Variants in SOX5 observed in about 807,000 individuals in gnomAD.
The protein encoded by SOX5 is transcription factor SOX-5.
Under a neutral mutation model 92.0 loss-of-function variants are expected in SOX5, and 9 were observed. The observed-to-expected ratio is 0.10, with a 90% CI of 0.06 to 0.17. The LOEUF (loss-of-function observed/expected upper bound fraction) is 0.17. Among genes scored for constraint, SOX5 ranks in the 10% least tolerant of loss-of-function variants. The pLI is 1.00. For synonymous variants in SOX5, 344 were observed against 336.3 expected (o/e 1.02, Z -0.25); for missense variants, 642 against 944.5 (o/e 0.68, Z 4.20).
At chr12:23,830,517 C>T (rs2096298668) in intron 3 of SOX5, among the ~76,000 whole-genome samples, 1 of 152,144 alleles carries the variant, frequency 6.6e-6, no homozygotes, top group South Asian at 2.1e-4. Flanking sequence ...TACAAAGCCT[C>T]TTCAACATGT....
intron 6 of SOX5, among the ~76,000 whole-genome samples, chr12:23,693,510 T>C (rs2089266771): frequency 6.6e-6 from 1 of 152,228 alleles, no homozygotes; most frequent in South Asian, 2.1e-4. Context: ...AACTTGTTTC[T>C]ACCCACTTAC....
In SOX5 at chr12:24,161,496, G is replaced by T. The variant is rs557391881; in HGVS notation, c.-2+51847C>A. ...ATTGAGAAGGTCAGAGCCAAGGCCA[G>T]TATGTTTACTATTAATGAACATTAG... On this transcript the variant is annotated intron_variant, in intron 4 of 4. Coordinates refer to the SOX5 transcript ENST00000446891. Among the ~76,000 whole-genome samples, 13 of 152,158 alleles carry T rather than the reference G, an allele frequency of 8.5e-5. No homozygotes were observed. The Middle Eastern group carries it at 0.017, about 199-fold the overall frequency.
chr12:23,770,330 A>G (rs548166490), intron 3 of SOX5, among the ~76,000 whole-genome samples: 1 of 152,044 alleles, frequency 6.6e-6, no homozygotes, highest in Non-Finnish European at 1.5e-5. Flanking sequence ...TAACAAAAAG[A>G]AAACCCTGAA....
chr12:23,568,578 C>T (rs186860899), intron 10 of SOX5, among the ~76,000 whole-genome samples: 1 of 152,234 alleles, frequency 6.6e-6, no homozygotes, highest in East Asian at 1.9e-4. Context: ...TGCAGCATGT[C>T]TGGCACAGAA....
At chr12:23,824,933 C>T (rs2096200329) in intron 3 of SOX5, among the ~76,000 whole-genome samples, 1 of 152,050 alleles carries the variant, frequency 6.6e-6, no homozygotes, top group Non-Finnish European at 1.5e-5. Flanking sequence ...TAGCAGATGC[C>T]CCTCCCCTCA....
At chr12:23,646,353 G>A (rs1487833813) in intron 7 of SOX5, among the ~76,000 whole-genome samples, 1 of 152,112 alleles carries the variant, frequency 6.6e-6, no homozygotes, top group East Asian at 1.9e-4. Context: ...TTTTTGTAAA[G>A]GCAAGGTTTT....
chr12:23,825,784 T>C (rs1228585751), intron 3 of SOX5, among the ~76,000 whole-genome samples: 2 of 152,206 alleles, frequency 1.3e-5, no homozygotes, highest in African/African-American at 2.4e-5. Flanking sequence ...AAAGGTATAG[T>C]GTATAAATAT....
intron 6 of SOX5, among the ~76,000 whole-genome samples, chr12:23,695,985 A>G (rs554065916): frequency 4.3e-3 from 640 of 150,484 alleles, no homozygotes; most frequent in Non-Finnish European, 7.0e-3. Context: ...AACAAAAAAC[A>G]AAACAAAAAA....
At chr12:23,952,848 T>A (rs1426028978), upstream of SOX5, among the ~76,000 whole-genome samples, 1 of 152,142 alleles carries the variant, frequency 6.6e-6, no homozygotes, top group Non-Finnish European at 1.5e-5. Flanking sequence ...CAAACAGAAT[T>A]TAAAGTCATT....
chr12:24,025,821 T>C (rs1400348644), intron 4 of SOX5, among the ~76,000 whole-genome samples: 1 of 152,076 alleles, frequency 6.6e-6, no homozygotes, highest in African/African-American at 2.4e-5. Flanking sequence ...CATCCAATGT[T>C]CCTCTGATAT....
chr12:24,250,072 G>A (rs1272292117), intron 3 of SOX5, among the ~76,000 whole-genome samples: 2 of 152,160 alleles, frequency 1.3e-5, no homozygotes, highest in Non-Finnish European at 2.9e-5. Context: ...GGAAACAATA[G>A]TTATATCACA....
rs552446551 is a variant in SOX5 at position 24,553,196 on chromosome 12, G to A, written c.-251+9133C>T. Among the ~76,000 whole-genome samples the A allele has an allele frequency of 1.5e-3, 221 of 152,276 alleles. 1 individual carries two copies. The highest frequency in any genetic ancestry group is 2.9e-3 in the Non-Finnish European group (196 of 68,020). On this transcript the variant is annotated intron_variant, in intron 1 of 4. Transcript: ENST00000446891. ...GAATCCCACACCAACACCTTGTGAT[G>A]GAAGAGAATAAAAGTGGCAGAATCA...
chr12:23,919,365 A>G (rs757484841), intron 1 of SOX5, among the ~76,000 whole-genome samples: 60 of 152,362 alleles, frequency 3.9e-4, no homozygotes, highest in Non-Finnish European at 6.0e-4. Context: ...TAGCCAGTAC[A>G]TAAGTTTGTG....
intron 4 of SOX5, among the ~76,000 whole-genome samples, chr12:24,060,081 A>G (rs571800651): frequency 1.3e-5 from 2 of 152,344 alleles, no homozygotes; most frequent in African/African-American, 4.8e-5. Flanking sequence ...AACTAAAGTG[A>G]AATCTCAACA....
intron 6 of SOX5, among the ~76,000 whole-genome samples, chr12:23,690,813 A>G (rs2088637359): frequency 6.6e-6 from 1 of 152,094 alleles, no homozygotes; most frequent in South Asian, 2.1e-4. Flanking sequence ...TGGCTTTCTC[A>G]TTTTAGTCAC....
At chr12:24,017,577 G>C (rs1000888846) in intron 4 of SOX5, among the ~76,000 whole-genome samples, 1 of 151,994 alleles carries the variant, frequency 6.6e-6, no homozygotes, top group Admixed American at 6.6e-5. Flanking sequence ...TCCAGCCTGG[G>C]TGACAGAGTG....
chr12:24,027,915 C>G (rs1569505151), intron 4 of SOX5, among the ~76,000 whole-genome samples: 1 of 151,960 alleles, frequency 6.6e-6, no homozygotes, highest in South Asian at 2.1e-4. Flanking sequence ...CCACGAAAAA[C>G]ATCTTTAACA....
intron 6 of SOX5, among the ~76,000 whole-genome samples, chr12:23,731,722 T>A (rs2140859285): frequency 6.6e-6 from 1 of 152,308 alleles, no homozygotes; most frequent in Middle Eastern, 3.4e-3. Flanking sequence ...CCCCACTTGA[T>A]GTATTGGATT....
At chr12:23,654,402 C>T (rs546437898) in intron 7 of SOX5, among the ~76,000 whole-genome samples, 1 of 152,000 alleles carries the variant, frequency 6.6e-6, no homozygotes, top group Non-Finnish European at 1.5e-5. Context: ...CAACAAGAAT[C>T]TTTTATTATG....
Sources: allele counts gnomAD v4.1 joint callset (sites outside exome capture counted in the v4.1 genomes callset), GRCh38; gene constraint gnomAD v4.1.1; transcripts MANE v1.5; gene names NCBI Gene and HGNC (gene_info 2026-07-23, HGNC 2026-07-21).